Variants in MTMR7 observed in about 807,000 individuals in gnomAD.
MTMR7 encodes the protein phosphatidylinositol-3-phosphate phosphatase MTMR7.
MTMR7 carries 76 observed loss-of-function variants against 81.2 expected under a neutral mutation model. The observed-to-expected ratio is 0.94, with a 90% confidence interval of 0.78 to 1.13. The LOEUF is 1.13. MTMR7 is among the 50% of genes most tolerant of loss of function. The pLI is 0.00. For synonymous variants in MTMR7, 372 were observed against 289.8 expected, an observed-to-expected ratio of 1.28 and a Z score of -2.88; for missense variants, 1,044 against 820.0, an observed-to-expected ratio of 1.27 and a Z score of -3.34.
chr8:17,388,661 T>C (rs560214511), intron 1 of MTMR7, among the ~76,000 whole-genome samples: 24 of 152,194 alleles, frequency 1.6e-4, no homozygotes, highest in Non-Finnish European at 3.4e-4. Flanking sequence ...TTGGGAACTA[T>C]GGGGAAATAT....
At chr8:17,401,640 T>C (rs7830339) in intron 1 of MTMR7, among the ~76,000 whole-genome samples, 16,227 of 152,074 alleles carry the variant, frequency 0.11, 1,435 homozygotes, top group East Asian at 0.34. Flanking sequence ...TGCGATAACC[T>C]GGATATATTT....
chr8:17,348,947 A>C lies in MTMR7; in HGVS notation c.597+6T>G. ...GTGTAAAACAAAAACACGCCTCGAG[A>C]CTTACGTGGTTATCTTTATAATAGT... On this transcript the variant is annotated splice_donor_region_variant and intron_variant, in intron 5 of 13. Transcript: ENST00000180173. 6.2e-7 allele frequency: 1 copy of C among 1,613,680 alleles called. No individual in the cohort carries two copies. Among genetic ancestry groups the C allele is most frequent in the Non-Finnish European group, 8.5e-7 (1 of 1,179,918 alleles).
intron 6 of MTMR7, among the ~76,000 whole-genome samples, chr8:17,331,563 C>T (rs1221112275): frequency 3.3e-5 from 5 of 152,160 alleles, no homozygotes; most frequent in East Asian, 1.9e-4. Context: ...TTGCAGTCCC[C>T]GTCAGAGATG....
chr8:17,404,556 TAA>T, intron 1 of MTMR7, among the ~76,000 whole-genome samples: 2 of 151,622 alleles, frequency 1.3e-5, no homozygotes, highest in South Asian at 4.1e-4. Context: ...ATCTCAACAG[TAA>T]ACAAACATAA....
intron 1 of MTMR7, among the ~76,000 whole-genome samples, chr8:17,391,814 T>C (rs1563376166): frequency 6.6e-6 from 1 of 152,190 alleles, no homozygotes; most frequent in Non-Finnish European, 1.5e-5. Flanking sequence ...AAACATACAA[T>C]TTTTATAAAG....
chr8:17,400,687 A>G (rs1486766980), intron 1 of MTMR7, among the ~76,000 whole-genome samples: 1 of 152,204 alleles, frequency 6.6e-6, no homozygotes, highest in Admixed American at 6.5e-5. Context: ...TCAGACTTTT[A>G]TTGCACAATA....
intron 7 of MTMR7, among the ~76,000 whole-genome samples, chr8:17,316,835 G>A (rs960282761): frequency 6.6e-6 from 1 of 152,030 alleles, no homozygotes; most frequent in Non-Finnish European, 1.5e-5. Context: ...AGGGACTTCT[G>A]CGTGTGTGGA....
chr8:17,322,766 T>C (rs1165520720), intron 7 of MTMR7, among the ~76,000 whole-genome samples: 1 of 152,106 alleles, frequency 6.6e-6, no homozygotes, highest in East Asian at 1.9e-4. Flanking sequence ...CAGAGGCTGC[T>C]GTGAGCTACA....
At chr8:17,378,067 A>G (rs1820643370) in intron 1 of MTMR7, among the ~76,000 whole-genome samples, 1 of 152,164 alleles carries the variant, frequency 6.6e-6, no homozygotes, top group Non-Finnish European at 1.5e-5. Flanking sequence ...AGAATAAGGT[A>G]TGCAGATGTT....
At chr8:17,404,082 A>C (rs1821506589) in intron 1 of MTMR7, among the ~76,000 whole-genome samples, 1 of 152,138 alleles carries the variant, frequency 6.6e-6, no homozygotes, top group African/African-American at 2.4e-5. Context: ...CCACGAAAGA[A>C]GTCCAAGCTC....
chr8:17,325,070 C>G (rs377748314), intron 7 of MTMR7, among the ~76,000 whole-genome samples: 2 of 152,094 alleles, frequency 1.3e-5, no homozygotes, highest in Middle Eastern at 3.2e-3. Context: ...TTAGCCAGCA[C>G]TCCATAAAGA....
chr8:17,304,045 C>A (rs188651524), intron 12 of MTMR7, among the ~76,000 whole-genome samples: 430 of 152,314 alleles, frequency 2.8e-3, no homozygotes, highest in African/African-American at 1.0e-2. Flanking sequence ...GTCATGATCA[C>A]TGTTGAAACT....
chr8:17,406,382 C>T (rs7843180), intron 1 of MTMR7, among the ~76,000 whole-genome samples: 27,972 of 151,968 alleles, frequency 0.18, 3,333 homozygotes, highest in East Asian at 0.34. Flanking sequence ...GATAAGCACA[C>T]GAAAACATGC....
In MTMR7 at chr8:17,352,674, GT is replaced by G. The variant is rs1322594150; in HGVS notation, c.469-3594del. Reference sequence around the variant, plus strand: ...AAAGTGAAAAAGCAACCTACAGAATGTGAGAAGCTATTAGTAAATTGCGTAT... The same window carrying G: ...AAAGTGAAAAAGCAACCTACAGAATGGAGAAGCTATTAGTAAATTGCGTAT... On this transcript the variant is annotated intron_variant, in intron 4 of 13. Transcript: ENST00000180173. Among the ~76,000 whole-genome samples the G allele has an allele frequency of 2.0e-5, 3 of 152,114 alleles. No homozygotes were observed. The East Asian group carries it at 5.8e-4, about 29-fold the overall frequency.
intron 5 of MTMR7, among the ~76,000 whole-genome samples, chr8:17,347,780 C>T (rs1819603520): frequency 6.6e-6 from 1 of 152,140 alleles, no homozygotes; most frequent in Non-Finnish European, 1.5e-5. Flanking sequence ...TTTTAATGGC[C>T]ACCCATAACA....
chr8:17,390,451 C>T (rs897211766), intron 1 of MTMR7, among the ~76,000 whole-genome samples: 4 of 152,136 alleles, frequency 2.6e-5, no homozygotes, highest in African/African-American at 9.7e-5. Flanking sequence ...CCAGGCCCAA[C>T]CGCTAACATT....
At chr8:17,371,431 T>G (rs532311936) in intron 2 of MTMR7, among the ~76,000 whole-genome samples, 1 of 152,244 alleles carries the variant, frequency 6.6e-6, no homozygotes, top group African/African-American at 2.4e-5. Context: ...GACAGTTATT[T>G]TGAAGTAAAC....
chr8:17,320,439 G>A (rs1048741651), intron 7 of MTMR7, among the ~76,000 whole-genome samples: 3 of 152,164 alleles, frequency 2.0e-5, no homozygotes, highest in Non-Finnish European at 2.9e-5. Context: ...AGGCAATTGG[G>A]AAGGGAGCTG....
At chr8:17,412,841 A>C (rs955623497) in intron 1 of MTMR7, among the ~76,000 whole-genome samples, 29 of 152,320 alleles carry the variant, frequency 1.9e-4, no homozygotes, top group African/African-American at 6.5e-4. Flanking sequence ...TTCCAAGCGC[A>C]GGAGTCCCTC....
Sources: gnomAD v4.1 joint callset for allele counts (sites outside exome capture counted in the v4.1 genomes callset) on GRCh38, gnomAD v4.1.1 for gene constraint, MANE v1.5 for transcripts, NCBI Gene and HGNC (gene_info 2026-07-23, HGNC 2026-07-21) for gene names.